AGO2: variants seen among roughly 807,000 people sequenced by gnomAD.
The protein encoded by AGO2 is protein argonaute-2.
Under a neutral mutation model 102.3 loss-of-function variants are expected in AGO2, and 5 were observed. That is an observed-to-expected ratio of 0.05 (90% CI 0.03 to 0.10). The LOEUF (loss-of-function observed/expected upper bound fraction) is 0.10. AGO2 is among the 10% of genes least tolerant of loss of function. AGO2 has a pLI of 1.00. For missense variants in AGO2, 541 were observed against 1,183.7 expected (o/e 0.46, Z 7.97); for synonymous variants, 449 against 473.1 (o/e 0.95, Z 0.66).
intron 10 of AGO2, among the ~76,000 whole-genome samples, chr8:140,552,713 AACACACGCACATGC>A (rs1393434914): frequency 3.4e-5 from 5 of 148,668 alleles, no homozygotes; most frequent in South Asian, 2.2e-4. Flanking sequence ...CATGCACATG[AACACACGCACATGC>A]ACGCGCGCGC....
At chr8:140,633,247 A>G (rs928887428) in intron 1 of AGO2, among the ~76,000 whole-genome samples, 9 of 152,366 alleles carry the variant, frequency 5.9e-5, no homozygotes, top group East Asian at 1.9e-4. Flanking sequence ...AAGAGTCTCA[A>G]TGAAGACTAT....
chr8:140,615,420 C>T (rs762313145), intron 1 of AGO2, among the ~76,000 whole-genome samples: 10 of 152,372 alleles, frequency 6.6e-5, no homozygotes, highest in Admixed American at 3.3e-4. Context: ...GGCCCCCAGG[C>T]GGCCCTTCTC....
chr8:140,532,346 G>A (rs1293582700), intron 18 of AGO2, 70 bp downstream of exon 18: 2 of 1,533,166 alleles, frequency 1.3e-6, no homozygotes, highest in African/African-American at 2.7e-5. Context: ...TCCCCTTCCA[G>A]AAAAGCAGCT....
At chr8:140,565,774 T>G (rs916353859) in intron 3 of AGO2, among the ~76,000 whole-genome samples, 2 of 152,136 alleles carry the variant, frequency 1.3e-5, no homozygotes, top group African/African-American at 4.8e-5. Context: ...AGTTTACGTT[T>G]TGGGGGAGTC....
rs1446610109 is a variant in AGO2 at position 140,535,585 on chromosome 8, C to T, written c.2170-16G>A. On this transcript the variant is annotated splice_polypyrimidine_tract_variant and intron_variant, in intron 16 of 18. Transcript: ENST00000220592. ...TTTTCCCAACCTTCGGCAACACAGG[C>T]ATCTCGTTAGACACGGCCAGGGACC... 1.9e-6 allele frequency: 3 copies of T among 1,613,564 alleles called. No homozygotes were observed. In the African/African-American group the frequency reaches 4.0e-5, roughly 22 times the overall value.
chr8:140,603,680 C>T (rs911037993), intron 1 of AGO2, among the ~76,000 whole-genome samples: 16 of 152,206 alleles, frequency 1.1e-4, no homozygotes, highest in African/African-American at 1.7e-4. Flanking sequence ...GAGGCTCATC[C>T]GCGCTGCAGC....
intron 2 of AGO2, among the ~76,000 whole-genome samples, chr8:140,577,967 G>C (rs2073493165): frequency 6.6e-6 from 1 of 152,220 alleles, no homozygotes; most frequent in Admixed American, 6.5e-5. Flanking sequence ...AGAGAAGGAG[G>C]CTGTTCGGTC....
chr8:140,533,116 C>G lies in AGO2; in HGVS notation c.2272-501G>C, dbSNP rs377304570. Reference sequence around the variant, plus strand: ...ATCAAAGATATAAAGCAGGCTGGGCCCGGTGGCTCACACCTGTAATCCCAG... The same window carrying G: ...ATCAAAGATATAAAGCAGGCTGGGCGCGGTGGCTCACACCTGTAATCCCAG... On this transcript the variant is annotated intron_variant, in intron 17 of 18. Transcript: ENST00000220592. Among the ~76,000 whole-genome samples, 252 of 149,274 alleles carry G rather than the reference C, an allele frequency of 1.7e-3. 1 individual carries two copies. Among genetic ancestry groups the G allele is most frequent in the African/African-American group, 5.0e-3 (202 of 40,618 alleles).
rs1461584379 is a variant in AGO2 at position 140,575,690 on chromosome 8, A to C, written c.216-2758T>G. 2.6e-5 allele frequency among the ~76,000 whole-genome samples: 4 copies of C among 152,238 alleles called. 1 individual carries two copies. The highest frequency in any genetic ancestry group is 9.6e-5 in the African/African-American group (4 of 41,466). Reference sequence around the variant, plus strand: ...AGTACTAAGAAATCATGGGCCAATCACTTACAAACAGAAGCAGGAACAAGA... The same window carrying C: ...AGTACTAAGAAATCATGGGCCAATCCCTTACAAACAGAAGCAGGAACAAGA... On this transcript the variant is annotated intron_variant, in intron 2 of 18. Coordinates refer to ENST00000220592, the MANE Select transcript of AGO2 (RefSeq NM_012154.5).
At chr8:140,535,779 G>A (rs1438427880) in intron 16 of AGO2, among the ~76,000 whole-genome samples, 1 of 152,234 alleles carries the variant, frequency 6.6e-6, no homozygotes, top group African/African-American at 2.4e-5. Context: ...GTGGGCTGGG[G>A]TTATTTTCCG....
intron 1 of AGO2, among the ~76,000 whole-genome samples, chr8:140,618,021 G>A (rs2074163702): frequency 6.7e-6 from 1 of 149,604 alleles, no homozygotes; most frequent in African/African-American, 2.5e-5. Flanking sequence ...AAAAAAAGTT[G>A]GGCCAGGCAT....
At chr8:140,558,438 A>C (rs1370129987) in intron 7 of AGO2, 47 bp downstream of exon 7, 1 of 1,591,634 alleles carries the variant, frequency 6.3e-7, no homozygotes, top group South Asian at 1.1e-5. Flanking sequence ...CGTCGGAGTG[A>C]CAGTGGGGGC....
intron 2 of AGO2, among the ~76,000 whole-genome samples, chr8:140,576,385 A>T (rs1420546574): frequency 1.3e-5 from 2 of 152,238 alleles, no homozygotes; most frequent in African/African-American, 2.4e-5. Flanking sequence ...TCACAAAGAC[A>T]CACATCTAAC....
intron 13 of AGO2, 70 bp downstream of exon 13, chr8:140,547,398 T>A (rs2292782): frequency 6.4e-7 from 1 of 1,564,004 alleles, no homozygotes; most frequent in Non-Finnish European, 8.7e-7. Context: ...CCCTGCATAC[T>A]GCACCCCACC....
chr8:140,594,870 T>C (rs1038428821), intron 1 of AGO2, among the ~76,000 whole-genome samples: 4 of 151,804 alleles, frequency 2.6e-5, no homozygotes, highest in African/African-American at 9.7e-5. Context: ...TCTAATTGCA[T>C]GACAAACTGG....
chr8:140,618,535 A>G (rs892611990), intron 1 of AGO2, among the ~76,000 whole-genome samples: 3 of 152,108 alleles, frequency 2.0e-5, no homozygotes, highest in African/African-American at 7.2e-5. Flanking sequence ...CCAAATTAAC[A>G]GCACTCAGAA....
chr8:140,531,876 G>C lies in AGO2; in HGVS notation c.*168C>G. The C allele has an allele frequency of 1.6e-6, 1 of 626,596 alleles. No individual in the cohort carries two copies. The highest frequency in any genetic ancestry group is 2.8e-5 in the East Asian group (1 of 35,262). 38.8% of individuals were successfully genotyped at this position (626,596 alleles called of 1,614,324 possible). The stretch of plus-strand genomic sequence containing the variant: ...TACAGGTCTGCAGTTCAAAATCCAA[G>C]TTTGAAATCTGGGACGGAAGGCATT... On this transcript the variant is annotated 3_prime_UTR_variant, in exon 19 of 19. Coordinates refer to ENST00000220592, the MANE Select transcript of AGO2 (RefSeq NM_012154.5).
rs55637374 is a variant in AGO2 at position 140,610,028 on chromosome 8, TAAAAAA to T, written c.23-24723_23-24718del. Among the ~76,000 whole-genome samples, 948 of 126,538 alleles carry T rather than the reference TAAAAAA, an allele frequency of 7.5e-3. 17 individuals are homozygous for T. In the East Asian group the frequency reaches 0.092, roughly 12 times the overall value. The allele number at this position is 126,538 out of a possible 152,430, so 83.0% of individuals were successfully genotyped here. Reference sequence around the variant, plus strand: ...GGGAAATACAGCAAGACCTTGACTCTAAAAAAAAAAAAAAAAAAAAAAAAAGAAAAG... The same window carrying T: ...GGGAAATACAGCAAGACCTTGACTCTAAAAAAAAAAAAAAAAAAAGAAAAG... On this transcript the variant is annotated intron_variant, in intron 1 of 18. Transcript: ENST00000220592.
intron 13 of AGO2, 150 bp from the exon 14 acceptor site, chr8:140,544,453 C>T (rs2072858888): frequency 3.0e-6 from 2 of 675,754 alleles, no homozygotes; most frequent in Non-Finnish European, 4.8e-6. Context: ...ATACTAAAAA[C>T]CCTGCAGATT....
Sources: gnomAD v4.1 joint callset for allele counts (sites outside exome capture counted in the v4.1 genomes callset) on GRCh38, gnomAD v4.1.1 for gene constraint, MANE v1.5 for transcripts, NCBI Gene and HGNC (gene_info 2026-07-23, HGNC 2026-07-21) for gene names.